The following ATR variants were observed in gnomAD, a reference collection of about 807,000 sequenced individuals.
ATR encodes serine/threonine-protein kinase ATR.
In ATR, 142 loss-of-function variants were observed where a neutral mutation model predicts 305.3. The ratio of observed to expected loss-of-function variants is 0.47; its 90% CI spans 0.41 to 0.53. ATR has a LOEUF of 0.53. Among genes scored for constraint, ATR ranks in the 20% least tolerant of loss-of-function variants. ATR has a pLI of 0.00. For missense variants in ATR, 2,135 were observed against 3,133.1 expected (o/e 0.68, Z 7.60); for synonymous variants, 1,050 against 1,068.1 (o/e 0.98, Z 0.33).
chr3:142,457,709 T>C lies in ATR; in HGVS notation c.7550A>G (p.His2517Arg). 6.2e-7 allele frequency: 1 copy of C among 1,614,104 alleles called. No individual in the cohort carries two copies. The highest frequency in any genetic ancestry group is 8.5e-7 in the Non-Finnish European group (1 of 1,179,960). ...VPEIVPFRLT[H>R]NMVNGMGPMG... is the part of the protein sequence containing the mutation. Reference sequence around the variant, plus strand: ...AGGACCCATTCCATTAACCATATTATGAGTCAGGCGAAATGGCACAATTTC... The same window carrying C: ...AGGACCCATTCCATTAACCATATTACGAGTCAGGCGAAATGGCACAATTTC... Residue 2517 changes from histidine to arginine, a missense_variant, in exon 45 of 47, where the codon CAT becomes CGT. Transcript: ENST00000350721.
rs2108335942 is a variant in ATR at position 142,497,072 on chromosome 3, G to C, written c.5679C>G (p.Ser1893=). ...WVARLEMTQN[S]YRAKEPILAL... ...CCAGGATAGGCTCCTTGGCTCTGTAGGAATTCTGGGTCATTTCTAGTCGAG... is the reference window on the plus strand; with the variant it reads ...CCAGGATAGGCTCCTTGGCTCTGTACGAATTCTGGGTCATTTCTAGTCGAG... The change falls in exon 33 of 47, where the codon TCC becomes TCG. Residue 1893 remains serine, a synonymous_variant. Coordinates refer to ENST00000350721, the MANE Select transcript of ATR (RefSeq NM_001184.4). 6.2e-7 allele frequency: 1 copy of C among 1,613,910 alleles called. No homozygotes were observed. The highest frequency in any genetic ancestry group is 1.1e-5 in the South Asian group (1 of 91,034).
rs1212649889 is a variant in ATR at position 142,459,017 on chromosome 3, G to C, written c.7444C>G (p.Leu2482Val). The change falls in exon 44 of 47, where the codon CTC becomes GTC. Residue 2482 changes from leucine (L) to valine (V), a missense_variant. This residue lies in a region of ATR where 462 missense variants were observed against 887.6 expected (regional missense o/e 0.52). Coordinates refer to ENST00000350721, the MANE Select transcript of ATR (RefSeq NM_001184.4). ...GLGDRHGENI[L>V]FDSLTGECVH... ...CATTCACCAGTCAAAGAATCAAAGA[G>C]AATATTTTCACCATGACGGTCTCCA... 1 of 1,613,760 alleles carries C rather than the reference G, an allele frequency of 6.2e-7. No homozygotes were observed. Among genetic ancestry groups the C allele is most frequent in the Non-Finnish European group, 8.5e-7 (1 of 1,179,830 alleles).
intron 34 of ATR, among the ~76,000 whole-genome samples, chr3:142,495,272 T>A (rs904933605): frequency 9.9e-5 from 15 of 152,180 alleles, no homozygotes; most frequent in African/African-American, 3.6e-4. Context: ...TGCTTTCCCC[T>A]CTCATCCAGG....
At chr3:142,460,846 A>C (rs972993647) in intron 42 of ATR, among the ~76,000 whole-genome samples, 125 of 152,174 alleles carry the variant, frequency 8.2e-4, no homozygotes, top group African/African-American at 2.8e-3. Flanking sequence ...CGGAGTTCCC[A>C]CATATTCTTC....
intron 36 of ATR, among the ~76,000 whole-genome samples, chr3:142,476,866 G>A (rs1332049062): frequency 6.6e-6 from 1 of 152,148 alleles, no homozygotes; most frequent in Non-Finnish European, 1.5e-5. Flanking sequence ...ATTGTGAATA[G>A]GAGTTCACTC....
chr3:142,468,729 C>A (rs2071187786), intron 38 of ATR, among the ~76,000 whole-genome samples: 1 of 152,044 alleles, frequency 6.6e-6, no homozygotes, highest in Non-Finnish European at 1.5e-5. Context: ...ATAGCTCATG[C>A]CTGTAATTCC....
intron 17 of ATR, 100 bp from the exon 18 acceptor site, chr3:142,541,134 C>A: frequency 7.2e-7 from 1 of 1,395,710 alleles, no homozygotes; most frequent in South Asian, 1.2e-5. Context: ...ATCAGGGTGT[C>A]ATCTATTCTC....
intron 14 of ATR, 133 bp from the exon 15 acceptor site, chr3:142,549,806 T>C (rs373532468): frequency 3.7e-6 from 3 of 801,150 alleles, no homozygotes; most frequent in Middle Eastern, 5.3e-4. Flanking sequence ...AAATATGTAA[T>C]AGTAGATCAT....
chr3:142,462,997 C>A (rs1033697037), intron 41 of ATR, among the ~76,000 whole-genome samples: 2 of 152,090 alleles, frequency 1.3e-5, no homozygotes, highest in African/African-American at 4.8e-5. Flanking sequence ...GTAATTGTAA[C>A]CTGCTCAATT....
chr3:142,545,672 G>T (rs1249432223), intron 16 of ATR, among the ~76,000 whole-genome samples: 2 of 152,266 alleles, frequency 1.3e-5, no homozygotes, highest in East Asian at 3.9e-4. Context: ...ATTAGGAGAT[G>T]TTCACAGCTG....
At chr3:142,569,223 C>G (rs1303868344) in intron 1 of ATR, among the ~76,000 whole-genome samples, 9 of 152,218 alleles carry the variant, frequency 5.9e-5, no homozygotes, top group Non-Finnish European at 1.0e-4. Context: ...TCCACAGTGG[C>G]TGTACCATTG....
Position 142,457,770 on chromosome 3 carries a change from AT to A in ATR, c.7504-16del. 6.2e-7 allele frequency: 1 copy of A among 1,612,400 alleles called. No individual in the cohort carries two copies. The highest frequency in any genetic ancestry group is 8.5e-7 in the Non-Finnish European group (1 of 1,178,636). ...AAGGTTTCTCCCTTAGAAACAATAC[AT>A]TTTATTACAAACTAACAATGTTAGA... On this transcript the variant is annotated splice_polypyrimidine_tract_variant and intron_variant, in intron 44 of 46. Transcript: ENST00000350721.
At chr3:142,544,621 CAAAAAAAAAAAA>C (rs71153972) in intron 16 of ATR, among the ~76,000 whole-genome samples, 1 of 83,630 alleles carries the variant, frequency 1.2e-5, no homozygotes, top group African/African-American at 4.4e-5. Context: ...AAGAAAGGAG[CAAAAAAAAAAAA>C]AAAAAAAAAT....
intron 36 of ATR, among the ~76,000 whole-genome samples, chr3:142,480,459 A>G (rs1341290428): frequency 1.3e-5 from 2 of 152,150 alleles, no homozygotes; most frequent in Non-Finnish European, 2.9e-5. Flanking sequence ...TTTCGTCTCA[A>G]AGGGGTACCC....
Position 142,558,699 on chromosome 3 carries a change from C to G in ATR, c.1810G>C (p.Asp604His), listed in dbSNP as rs750939829. 5.0e-6 allele frequency: 8 copies of G among 1,612,798 alleles called. No homozygotes were observed. The highest frequency in any genetic ancestry group is 6.8e-6 in the Non-Finnish European group (8 of 1,179,078). ...LSLPWIYSHSDDGCLKLTTFA... is the reference protein window; with the variant it reads ...LSLPWIYSHSHDGCLKLTTFA... ...GTGGTCAACTTTAAACAGCCATCAT[C>G]AGAATGGGAATAAATCCATGGAAGT... Residue 604 changes from aspartate to histidine, a missense_variant, in exon 8 of 47, where the codon GAT (aspartate) becomes CAT (histidine). This residue lies in a region of ATR where 744 missense variants were observed against 873.2 expected (regional missense o/e 0.85). Transcript: ENST00000350721.
intron 22 of ATR, 95 bp from the exon 23 acceptor site, chr3:142,522,936 G>T (rs150281853): frequency 5.4e-6 from 5 of 925,914 alleles, no homozygotes; most frequent in Non-Finnish European, 8.8e-6. Context: ...ACTTAACTGC[G>T]TAAGTGAATT....
At chr3:142,470,446 C>G (rs139803251) in intron 36 of ATR, among the ~76,000 whole-genome samples, 99 of 152,210 alleles carry the variant, frequency 6.5e-4, no homozygotes, top group African/African-American at 2.3e-3. Flanking sequence ...CTGCTCTAAT[C>G]AAAGTCTATC....
At chr3:142,481,088 A>G (rs968077390) in intron 36 of ATR, among the ~76,000 whole-genome samples, 2 of 152,062 alleles carry the variant, frequency 1.3e-5, no homozygotes, top group African/African-American at 4.8e-5. Flanking sequence ...CGCTGCACCC[A>G]CTGTCCTGCA....
chr3:142,549,515 G>C lies in ATR; in HGVS notation c.3135C>G (p.Ser1045=). The C allele has an allele frequency of 6.2e-7, 1 of 1,604,750 alleles. No individual in the cohort carries two copies. The highest frequency in any genetic ancestry group is 8.5e-7 in the Non-Finnish European group (1 of 1,175,522). The change falls in exon 15 of 47, where the codon TCC becomes TCG. Residue 1045 remains serine, a synonymous_variant. Transcript: ENST00000350721. ...YIFSHLVCSC[S]KDELERALHY... ...GAAGGGCACGTTCTAATTCATCTTT[G>C]GAACAAGAACAGACCAAATGAGAAA... is the stretch of plus-strand genomic sequence containing the variant.
Sources: gnomAD v4.1 joint callset for allele counts (sites outside exome capture counted in the v4.1 genomes callset) on GRCh38, gnomAD v4.1.1 for gene constraint, gnomAD v4.1.1 regional missense constraint, MANE v1.5 for transcripts, NCBI Gene and HGNC (gene_info 2026-07-23, HGNC 2026-07-21) for gene names.